CCDC61: variants seen among roughly 807,000 people sequenced by gnomAD.
CCDC61 encodes centrosomal protein CCDC61.
Under a neutral mutation model 63.0 loss-of-function variants are expected in CCDC61, and 55 were observed. That is an observed-to-expected ratio of 0.87 (90% CI 0.70 to 1.09). The LOEUF (loss-of-function observed/expected upper bound fraction) is 1.09. Ranked by LOEUF, CCDC61 falls within the 50% of genes least tolerant of loss-of-function variation. The pLI is 0.00. For synonymous variants in CCDC61, 270 were observed against 317.0 expected (o/e 0.85, Z 1.58); for missense variants, 651 against 731.4 (o/e 0.89, Z 1.27).
Position 46,016,458 on chromosome 19 carries a change from C to T in CCDC61, c.1091+65C>T. ...CCCGTGCCCGCTCCCGGGCTCTCATCTCTCCACGCCACCATCAGTCTCCAT... is the reference window on the plus strand; with the variant it reads ...CCCGTGCCCGCTCCCGGGCTCTCATTTCTCCACGCCACCATCAGTCTCCAT... On this transcript the variant is annotated intron_variant, in intron 9 of 13. Coordinates refer to ENST00000595358, the MANE Select transcript of CCDC61 (RefSeq NM_001267723.2). The surrounding 1 kb of genome is among the most constrained non-coding windows in gnomAD (Gnocchi z 7.2). 1.3e-6 allele frequency: 2 copies of T among 1,563,266 alleles called. No individual in the cohort carries two copies. The highest frequency in any genetic ancestry group is 1.8e-6 in the Non-Finnish European group (2 of 1,140,082).
In CCDC61 at chr19:46,008,243, C is replaced by A; in HGVS notation, c.493C>A (p.Leu165Met). The A allele has an allele frequency of 6.7e-7, 1 of 1,498,258 alleles. No individual in the cohort carries two copies. Among genetic ancestry groups the A allele is most frequent in the Non-Finnish European group, 9.0e-7 (1 of 1,107,242 alleles). The allele number at this position is 1,498,258 out of a possible 1,614,324, so 92.8% of individuals were successfully genotyped here. ...LKEELGRLQG[L>M]DGQNTRDTRE... Reference sequence around the variant, plus strand: ...GGAGGAACTGGGCCGCCTGCAAGGGCTGGATGGCCAGAACACTCGGGACAC... The same window carrying A: ...GGAGGAACTGGGCCGCCTGCAAGGGATGGATGGCCAGAACACTCGGGACAC... Residue 165 changes from leucine to methionine, a missense_variant, in exon 5 of 14, where the codon CTG becomes ATG. By Grantham distance (15) the Leu-to-Met change is conservative. Transcript: ENST00000595358.
chr19:45,995,909 G>A (rs1296845312), intron 1 of CCDC61, among the ~76,000 whole-genome samples: 1 of 152,064 alleles, frequency 6.6e-6, no homozygotes, highest in Non-Finnish European at 1.5e-5. Context: ...GGAAGGGAGG[G>A]AAGGAGACCT....
At chr19:46,010,380 C>T (rs1413070277) in intron 5 of CCDC61, among the ~76,000 whole-genome samples, 2 of 152,176 alleles carry the variant, frequency 1.3e-5, no homozygotes, top group Admixed American at 6.5e-5. Flanking sequence ...ACATGGGAAA[C>T]GGACACTCCT....
chr19:46,006,658 T>G lies in CCDC61; in HGVS notation c.331T>G (p.Ser111Ala). ...GGRPGSLAPRSAQLNSKRYLI... is the reference protein window; with the variant it reads ...GGRPGSLAPRAAQLNSKRYLI... ...CCGCCCAGGCTCCTTGGCCCCCAGG[T>G]CGGCCCAGCTCAACTCCAAGCGCTA... The change falls in exon 4 of 14, where the codon TCG becomes GCG. Residue 111 changes from serine to alanine, a missense_variant. Coordinates refer to ENST00000595358, the MANE Select transcript of CCDC61 (RefSeq NM_001267723.2). 1 of 1,613,750 alleles carries G rather than the reference T, an allele frequency of 6.2e-7. No individual in the cohort carries two copies. The highest frequency in any genetic ancestry group is 2.2e-5 in the East Asian group (1 of 44,878).
Position 46,002,999 on chromosome 19 carries a change from C to T in CCDC61, c.-11-9C>T. ...CTCCTCTAGGTTTCTCTCTCATCTC[C>T]TTCTCCAGCAACCTTGGCCATGGAC... On this transcript the variant is annotated splice_polypyrimidine_tract_variant and intron_variant, in intron 1 of 13. Transcript: ENST00000595358. 1 of 1,552,518 alleles carries T rather than the reference C, an allele frequency of 6.4e-7. No individual in the cohort carries two copies. The highest frequency in any genetic ancestry group is 1.4e-5 in the African/African-American group (1 of 73,200).
intron 1 of CCDC61, among the ~76,000 whole-genome samples, chr19:46,000,982 C>T (rs1600640037): frequency 6.6e-6 from 1 of 151,700 alleles, no homozygotes; most frequent in East Asian, 2.0e-4. Context: ...GAGTTGGGGA[C>T]CACGAGTGGG....
intron 12 of CCDC61, 107 bp from the exon 13 acceptor site, chr19:46,017,971 C>A: frequency 1.1e-6 from 1 of 943,952 alleles, no homozygotes; most frequent in Admixed American, 2.8e-5. Context: ...AGGTGTCAGG[C>A]CTTATTTTTC....
chr19:46,011,993 G>T (rs959321759), intron 5 of CCDC61, among the ~76,000 whole-genome samples: 2 of 152,192 alleles, frequency 1.3e-5, no homozygotes, highest in African/African-American at 4.8e-5. Context: ...AGTAGAGACG[G>T]GGTTTCACCG....
Position 45,995,623 on chromosome 19 carries a change from A to G in CCDC61, c.-12+119A>G, listed in dbSNP as rs1022539479. 7 of 367,806 alleles carry G rather than the reference A, an allele frequency of 1.9e-5. 1 individual carries two copies. The highest frequency in any genetic ancestry group is 7.9e-5 in the South Asian group (4 of 50,576). The allele number at this position is 367,806 out of a possible 1,614,324, so 22.8% of individuals were successfully genotyped here. A position where few individuals can be genotyped will look rare whatever the true frequency, so the allele number is the denominator to read the frequency against. On this transcript the variant is annotated intron_variant, in intron 1 of 13. Transcript: ENST00000595358. ...GGGCAGCTGACCTGGCCTTGTAGGA[A>G]TCGGGAGGGAGGGTGCCCTTTAACA...
intron 3 of CCDC61, among the ~76,000 whole-genome samples, chr19:46,005,052 C>A (rs1385086579): frequency 1.3e-5 from 2 of 151,666 alleles, no homozygotes; most frequent in African/African-American, 4.9e-5. Flanking sequence ...TCTGTGTAGC[C>A]CAGGCTGGAG....
In CCDC61 at chr19:46,006,581, A is replaced by T; in HGVS notation, c.254A>T (p.Asp85Val). Residue 85 changes from aspartate (D) to valine (V), a missense_variant, in exon 4 of 14, where the codon GAC becomes GTC. Physicochemically the swap from Asp to Val is radical, Grantham distance 152. Transcript: ENST00000595358. ...CAGAGTAGTGAGTCAGTCACCCTGG[A>T]CCTGCTGACCTACACAGACCTGGAG... is the stretch of plus-strand genomic sequence containing the variant. Reference protein sequence around the residue: ...LTQSSESVTLDLLTYTDLESL... With the variant: ...LTQSSESVTLVLLTYTDLESL... 1 of 1,605,364 alleles carries T rather than the reference A, an allele frequency of 6.2e-7. No homozygotes were observed. The highest frequency in any genetic ancestry group is 8.5e-7 in the Non-Finnish European group (1 of 1,174,696).
Position 46,003,516 on chromosome 19 carries a change from G to T in CCDC61, c.231+15G>T. The T allele has an allele frequency of 1.3e-6, 2 of 1,588,398 alleles. No individual in the cohort carries two copies. Among genetic ancestry groups the T allele is most frequent in the Non-Finnish European group, 1.7e-6 (2 of 1,159,800 alleles). ...CCCTCACTCAGGTAGGGCCCGGGTT[G>T]GCGGGTTGGGGTGGGAGGGGGGTTC... On this transcript the variant is annotated intron_variant, in intron 3 of 13. Transcript: ENST00000595358.
chr19:46,016,535 G>T lies in CCDC61; in HGVS notation c.1091+142G>T. 7.3e-7 allele frequency: 1 copy of T among 1,375,414 alleles called. No individual in the cohort carries two copies. The highest frequency in any genetic ancestry group is 1.0e-6 in the Non-Finnish European group (1 of 997,998). 85.2% of individuals were successfully genotyped at this position (1,375,414 alleles called of 1,614,324 possible). A position where few individuals can be genotyped will look rare whatever the true frequency, so the allele number is the denominator to read the frequency against. ...GGATACCCCGCCTGCTCTCCCTTCC[G>T]TCCGTCCTACCTCCTCGTCTGTGTT... On this transcript the variant is annotated intron_variant, in intron 9 of 13. Coordinates refer to ENST00000595358, the MANE Select transcript of CCDC61 (RefSeq NM_001267723.2). This position sits in a 1 kb window ranked among gnomAD's most constrained non-coding sequence, Gnocchi z 7.2.
In CCDC61 at chr19:46,018,546, C is replaced by T. The variant is rs1002143759; in HGVS notation, c.*159C>T. 1.2e-5 allele frequency: 7 copies of T among 603,510 alleles called. 1 individual carries two copies. Among genetic ancestry groups the T allele is most frequent in the Non-Finnish European group, 2.1e-5 (7 of 335,188 alleles). The allele number at this position is 603,510 out of a possible 1,614,324, so 37.4% of individuals were successfully genotyped here. ...AGGTGTGTGAGGCCCTGACCCTGCC[C>T]TCTCCCCAGGCAGTGCATGCTGGGA... On this transcript the variant is annotated 3_prime_UTR_variant, in exon 14 of 14. Transcript: ENST00000595358. This position sits in a 1 kb window ranked among gnomAD's most constrained non-coding sequence, Gnocchi z 4.2.
chr19:46,004,961 C>T (rs1164789672), intron 3 of CCDC61, among the ~76,000 whole-genome samples: 1 of 150,918 alleles, frequency 6.6e-6, no homozygotes, highest in Non-Finnish European at 1.5e-5. Flanking sequence ...GCCTCAGCCT[C>T]CCAAGTAGCT....
At chr19:46,017,368 C>T in intron 12 of CCDC61, 64 bp downstream of exon 12, 3 of 1,451,720 alleles carry the variant, frequency 2.1e-6, no homozygotes, top group Non-Finnish European at 1.9e-6. Context: ...TGATTCCTTC[C>T]TGGGGATCAG....
Position 46,016,662 on chromosome 19 carries a change from T to TACAG in CCDC61, c.1092-29_1092-26dup, listed in dbSNP as rs774660406. 7 of 1,610,002 alleles carry TACAG rather than the reference T, an allele frequency of 4.3e-6. No individual in the cohort carries two copies. The South Asian group carries it at 7.8e-5, about 18-fold the overall frequency. On this transcript the variant is annotated intron_variant, in intron 9 of 13. Coordinates refer to ENST00000595358, the MANE Select transcript of CCDC61 (RefSeq NM_001267723.2). The surrounding 1 kb of genome is among the most constrained non-coding windows in gnomAD (Gnocchi z 7.2). ...CCCCCTTGCCTGCAGGAGTTGGGCGTACAGACCGGCGTCTCCTTTCTTTTT... is the reference window on the plus strand; with the variant it reads ...CCCCCTTGCCTGCAGGAGTTGGGCGTACAGACAGACCGGCGTCTCCTTTCTTTTT...
rs1600658309 is a variant in CCDC61 at position 46,018,348 on chromosome 19, C to G, written c.1500C>G (p.Ala500=). 3 of 1,576,770 alleles carry G rather than the reference C, an allele frequency of 1.9e-6. No homozygotes were observed. Among genetic ancestry groups the G allele is most frequent in the African/African-American group, 2.7e-5 (2 of 73,956 alleles). ...DMAEIDARLK[A]LQEYMNRLDM... is the part of the protein sequence containing the mutation. ...CCGAAATAGACGCACGCCTGAAGGC[C>G]TTGCAGGAGTACATGAACCGACTGG... The change falls in exon 14 of 14, where the codon GCC becomes GCG. Residue 500 remains alanine (A), a synonymous_variant. Transcript: ENST00000595358. The surrounding 1 kb of genome is among the most constrained non-coding windows in gnomAD (Gnocchi z 4.2).
At position 46,004,484 on chromosome 19, in the gene CCDC61, A is replaced by G. The variant is rs140662526; in HGVS notation, c.231+983A>G. 3.5e-3 allele frequency among the ~76,000 whole-genome samples: 527 copies of G among 152,204 alleles called. 3 individuals carry two copies. The highest frequency in any genetic ancestry group is 0.012 in the African/African-American group (498 of 41,520). On this transcript the variant is annotated intron_variant, in intron 3 of 13. Coordinates refer to ENST00000595358, the MANE Select transcript of CCDC61 (RefSeq NM_001267723.2). ...TTAAAAGTTTTTGTTTGTTTGTTTG[A>G]GATGGAATCTCACTCTGTCTCCCAG...
Sources: gnomAD v4.1 joint callset for allele counts (sites outside exome capture counted in the v4.1 genomes callset) on GRCh38, gnomAD v4.1.1 for gene constraint, Gnocchi (gnomAD v3.1) non-coding constraint, MANE v1.5 for transcripts, NCBI Gene and HGNC (gene_info 2026-07-23, HGNC 2026-07-21) for gene names.